The following PDE11A variants were observed in gnomAD, a reference collection of about 807,000 sequenced individuals.
PDE11A encodes the protein phosphodiesterase 11A, also known as dual 3',5'-cyclic-AMP and -GMP phosphodiesterase 11A.
PDE11A carries 100 observed loss-of-function variants against 100.5 expected under a neutral mutation model. The observed-to-expected ratio is 1.00, with a 90% CI of 0.85 to 1.18. PDE11A has a LOEUF of 1.18. Among genes scored for constraint, PDE11A ranks in the 50% most tolerant of loss-of-function variants. PDE11A has a pLI of 0.00. For missense variants in PDE11A, 1,141 were observed against 1,152.6 expected, an observed-to-expected ratio of 0.99 and a Z score of 0.15; for synonymous variants, 381 against 420.8, an observed-to-expected ratio of 0.91 and a Z score of 1.16.
chr2:178,071,610 A>T lies in PDE11A; in HGVS notation c.828T>A (p.Asn276Lys). The T allele has an allele frequency of 6.2e-7, 1 of 1,613,934 alleles. No homozygotes were observed. The highest frequency in any genetic ancestry group is 8.5e-7 in the Non-Finnish European group (1 of 1,179,846). ...CTTTGCCCCAGGGGACCTGCACCTC[A>T]TTTGAGTTCTCTGTGCTGCTGCAAG... ...LLPCSSTENS[N>K]EVQVPWGKGI... The change falls in exon 1 of 20, where the codon AAT becomes AAA. Residue 276 changes from asparagine to lysine, a missense_variant. By Grantham distance (94) the Asn-to-Lys change is moderately conservative (BLOSUM62 0). Coordinates refer to ENST00000286063, the MANE Select transcript of PDE11A (RefSeq NM_016953.4).
intron 12 of PDE11A, among the ~76,000 whole-genome samples, chr2:177,717,631 G>C (rs1450714892): frequency 6.6e-6 from 1 of 152,062 alleles, no homozygotes; most frequent in Non-Finnish European, 1.5e-5. Context: ...TAAAGAGTCA[G>C]CCAGGGCATA....
intron 5 of PDE11A, among the ~76,000 whole-genome samples, chr2:177,853,858 A>C (rs1284038362): frequency 6.9e-6 from 1 of 144,818 alleles, no homozygotes; most frequent in Non-Finnish European, 1.5e-5. Flanking sequence ...GTGTATATAT[A>C]TCTATATATG....
intron 2 of PDE11A, chr2:177,998,551 C>T: frequency 1.5e-6 from 2 of 1,318,528 alleles, no homozygotes; most frequent in Non-Finnish European, 2.2e-6. Flanking sequence ...GATACATCTT[C>T]ATCTTCACAG....
At chr2:178,071,174 TCA>T (rs1241688489) in intron 1 of PDE11A, among the ~76,000 whole-genome samples, 5 of 152,128 alleles carry the variant, frequency 3.3e-5, no homozygotes, top group African/African-American at 1.2e-4. Context: ...TTCTAGCAAC[TCA>T]CAAACACATA....
intron 2 of PDE11A, among the ~76,000 whole-genome samples, chr2:177,966,026 T>C (rs989255023): frequency 6.6e-6 from 1 of 152,216 alleles, no homozygotes; most frequent in African/African-American, 2.4e-5. Flanking sequence ...TTGTCTCTGA[T>C]TTTTTTCAGC....
At chr2:177,860,273 G>C (rs1440305684) in intron 5 of PDE11A, among the ~76,000 whole-genome samples, 1 of 151,166 alleles carries the variant, frequency 6.6e-6, no homozygotes, top group African/African-American at 2.4e-5. Flanking sequence ...ACGAAAGAGG[G>C]GCTTTAACTA....
intron 2 of PDE11A, among the ~76,000 whole-genome samples, chr2:177,963,501 A>G (rs1339778270): frequency 6.6e-6 from 1 of 152,188 alleles, no homozygotes; most frequent in Non-Finnish European, 1.5e-5. Context: ...CCAACTTACA[A>G]AGATAAACTC....
chr2:178,078,647 T>C (rs920829358), intron 2 of PDE11A, among the ~76,000 whole-genome samples: 4 of 152,158 alleles, frequency 2.6e-5, no homozygotes, highest in African/African-American at 9.7e-5. Context: ...ACCAGAAAAA[T>C]CAGCAATAAT....
Position 177,697,285 on chromosome 2 carries a change from C to T in PDE11A, c.2345+47G>A, listed in dbSNP as rs774661006. On this transcript the variant is annotated intron_variant, in intron 15 of 19. Coordinates refer to ENST00000286063, the MANE Select transcript of PDE11A (RefSeq NM_016953.4). ...CCAGTGTAGACCTGGAGATTAGTTA[C>T]AGGATGGAACTTCCATTTGTCAAAC... 3 of 905,588 alleles carry T rather than the reference C, an allele frequency of 3.3e-6. No homozygotes were observed. The African/African-American group carries it at 4.9e-5, about 15-fold the overall frequency. The allele number at this position is 905,588 out of a possible 1,614,324, so 56.1% of individuals were successfully genotyped here. A position where few individuals can be genotyped will look rare whatever the true frequency, so the allele number is the denominator to read the frequency against.
chr2:178,076,617 G>A (rs554928397), upstream of PDE11A, among the ~76,000 whole-genome samples: 7 of 152,272 alleles, frequency 4.6e-5, no homozygotes, highest in African/African-American at 1.7e-4. Context: ...TGTCTCCTAA[G>A]TTTGCCTCCT....
intron 1 of PDE11A, among the ~76,000 whole-genome samples, chr2:178,040,432 A>T (rs779914421): frequency 2.0e-5 from 3 of 152,158 alleles, no homozygotes; most frequent in African/African-American, 7.2e-5. Flanking sequence ...TATATATTTT[A>T]TTCTTCCATT....
At chr2:178,060,937 C>CTTTTTTTT (rs71010855) in intron 1 of PDE11A, among the ~76,000 whole-genome samples, 4 of 75,674 alleles carry the variant, frequency 5.3e-5, no homozygotes, top group Non-Finnish European at 7.0e-5. Context: ...TGTAAATATT[C>CTTTTTTTT]TTTTTTTTTT....
At chr2:177,810,724 T>C (rs149407638) in intron 9 of PDE11A, among the ~76,000 whole-genome samples, 116 of 152,290 alleles carry the variant, frequency 7.6e-4, no homozygotes, top group African/African-American at 2.7e-3. Flanking sequence ...TGTTCTTTAA[T>C]AGGTAATGGG....
Position 177,715,221 on chromosome 2 carries a change from G to T in PDE11A, c.2044-3343C>A, listed in dbSNP as rs145396327. On this transcript the variant is annotated intron_variant, in intron 12 of 19. Transcript: ENST00000286063. ...AACATTTTCACTCAGAATTTTGAAGGCCTGCTCTATTGTGTTCTAGCTTCC... is the reference window on the plus strand; with the variant it reads ...AACATTTTCACTCAGAATTTTGAAGTCCTGCTCTATTGTGTTCTAGCTTCC... Among the ~76,000 whole-genome samples the T allele has an allele frequency of 2.3e-3, 344 of 152,262 alleles. 1 individual carries two copies. Among genetic ancestry groups the T allele is most frequent in the African/African-American group, 7.9e-3 (327 of 41,548 alleles).
At chr2:177,956,772 G>A (rs13395521) in intron 2 of PDE11A, among the ~76,000 whole-genome samples, 9,552 of 152,096 alleles carry the variant, frequency 0.063, 313 homozygotes, top group South Asian at 0.095. Flanking sequence ...GACATGGATG[G>A]AACTGGAAAC....
chr2:177,638,700 A>G (rs908010924), intron 19 of PDE11A, among the ~76,000 whole-genome samples: 1 of 151,998 alleles, frequency 6.6e-6, no homozygotes, highest in Admixed American at 6.6e-5. Context: ...TCAGCTGCGC[A>G]AGCTGGGTCC....
Position 177,653,454 on chromosome 2 carries a change from G to A in PDE11A, c.2646+10412C>T, listed in dbSNP as rs151218246. On this transcript the variant is annotated intron_variant, in intron 19 of 19. Transcript: ENST00000286063. ...CAACCTCTCTGTCGTGAGTTGACTC[G>A]TGTACTCCCAAAAGCTATGTTGAAG... Among the ~76,000 whole-genome samples, 15 of 152,200 alleles carry A rather than the reference G, an allele frequency of 9.9e-5. No homozygotes were observed. The East Asian group carries it at 2.5e-3, about 25-fold the overall frequency.
At chr2:177,883,128 G>A (rs1176641403) in intron 4 of PDE11A, among the ~76,000 whole-genome samples, 1 of 151,934 alleles carries the variant, frequency 6.6e-6, no homozygotes, top group Non-Finnish European at 1.5e-5. Context: ...AATTAGCCAC[G>A]CATGGTGGCA....
intron 9 of PDE11A, among the ~76,000 whole-genome samples, chr2:177,775,601 T>G (rs960763345): frequency 2.0e-5 from 3 of 152,220 alleles, no homozygotes; most frequent in Non-Finnish European, 4.4e-5. Flanking sequence ...CAAACTAAAC[T>G]TCGTGCTGCC....
Sources: allele counts gnomAD v4.1 joint callset (sites outside exome capture counted in the v4.1 genomes callset), GRCh38; gene constraint gnomAD v4.1.1; transcripts MANE v1.5; gene names NCBI Gene and HGNC (gene_info 2026-07-23, HGNC 2026-07-21).